FYN: variants seen among roughly 807,000 people sequenced by gnomAD.
FYN encodes FYN proto-oncogene, Src family tyrosine kinase, also known as tyrosine-protein kinase Fyn.
FYN carries 10 observed loss-of-function variants against 70.2 expected under a neutral mutation model. The ratio of observed to expected loss-of-function variants is 0.14; its 90% CI spans 0.09 to 0.24. The LOEUF (loss-of-function observed/expected upper bound fraction) is 0.24, where lower values mean the gene tolerates loss of function less well. Among genes scored for constraint, FYN ranks in the 10% least tolerant of loss-of-function variants. The pLI, the probability that FYN is intolerant of heterozygous loss-of-function variation, is 1.00. For synonymous variants in FYN, 236 were observed against 248.6 expected (o/e 0.95, Z 0.48); for missense variants, 319 against 673.1 (o/e 0.47, Z 5.82).
intron 9 of FYN, among the ~76,000 whole-genome samples, chr6:111,699,246 T>G (rs979297635): frequency 6.6e-6 from 1 of 152,182 alleles, no homozygotes; most frequent in African/African-American, 2.4e-5. Context: ...ATATACAGTA[T>G]CTTACCTTCC....
chr6:111,668,969 G>A (rs956150223), intron 13 of FYN, among the ~76,000 whole-genome samples: 2 of 152,164 alleles, frequency 1.3e-5, no homozygotes, highest in Non-Finnish European at 2.9e-5. Flanking sequence ...GGGCTCTAAG[G>A]CAGAGGGAGG....
At chr6:111,785,669 CTTTTTTTT>C (rs370923944) in intron 2 of FYN, among the ~76,000 whole-genome samples, 2 of 148,570 alleles carry the variant, frequency 1.3e-5, no homozygotes, top group Admixed American at 6.7e-5. Flanking sequence ...TTCTTTTTTT[CTTTTTTTT>C]TTATTACTAT....
At chr6:111,780,298 G>C (rs769140809) in intron 3 of FYN, among the ~76,000 whole-genome samples, 13 of 151,978 alleles carry the variant, frequency 8.6e-5, no homozygotes, top group Admixed American at 2.6e-4. Context: ...AACTGCCAAG[G>C]GTATTCTTTA....
At position 111,674,747 on chromosome 6, in the gene FYN, CAG is replaced by C; in HGVS notation, c.1274-119_1274-118del. The C allele has an allele frequency of 2.7e-6, 3 of 1,120,354 alleles. No individual in the cohort carries two copies. In the South Asian group the frequency reaches 4.9e-5, roughly 18 times the overall value. 69.4% of individuals were successfully genotyped at this position (1,120,354 alleles called of 1,614,324 possible). On this transcript the variant is annotated intron_variant, in intron 12 of 13. Coordinates refer to ENST00000354650, the MANE Select transcript of FYN (RefSeq NM_002037.5). ...CTGAGAGCAGGTTTAGAGGGGAAGACAGAAAGGAGGTGAAGCAGGAATGGGCT... is the reference window on the plus strand; with the variant it reads ...CTGAGAGCAGGTTTAGAGGGGAAGACAAAGGAGGTGAAGCAGGAATGGGCT...
intron 12 of FYN, among the ~76,000 whole-genome samples, chr6:111,691,403 G>A (rs746314688): frequency 2.0e-5 from 3 of 152,176 alleles, no homozygotes; most frequent in Non-Finnish European, 4.4e-5. Context: ...GCATGTTTCC[G>A]AATGCCGCCT....
intron 2 of FYN, among the ~76,000 whole-genome samples, chr6:111,795,024 G>A (rs1057160096): frequency 6.6e-6 from 1 of 152,174 alleles, no homozygotes; most frequent in African/African-American, 2.4e-5. Context: ...GTGGTCCCGA[G>A]TCAATTCAAT....
intron 1 of FYN, among the ~76,000 whole-genome samples, chr6:111,854,931 G>A (rs1435147493): frequency 6.6e-6 from 1 of 152,198 alleles, no homozygotes; most frequent in African/African-American, 2.4e-5. Flanking sequence ...TAAGGAAGAT[G>A]ATTTAACATA....
At chr6:111,714,506 T>A in intron 4 of FYN, 63 bp from the exon 5 acceptor site, 1 of 1,152,432 alleles carries the variant, frequency 8.7e-7, no homozygotes, top group Non-Finnish European at 1.3e-6. Flanking sequence ...TTCCAAGAAA[T>A]TAAATCTTCA....
chr6:111,835,322 C>T (rs1773145740), intron 2 of FYN, among the ~76,000 whole-genome samples: 1 of 152,178 alleles, frequency 6.6e-6, no homozygotes, highest in African/African-American at 2.4e-5. Context: ...TAGCAAATCT[C>T]CATTTTCACT....
At chr6:111,734,427 C>T (rs1801611581) in intron 3 of FYN, among the ~76,000 whole-genome samples, 1 of 152,136 alleles carries the variant, frequency 6.6e-6, no homozygotes, top group South Asian at 2.1e-4. Flanking sequence ...ATTTTTTGCC[C>T]TATGGTTTAA....
At chr6:111,699,037 C>T (rs374296559) in intron 9 of FYN, among the ~76,000 whole-genome samples, 14 of 152,262 alleles carry the variant, frequency 9.2e-5, no homozygotes, top group Admixed American at 3.3e-4. Context: ...GAGCCAATAT[C>T]GCGCCATTGC....
chr6:111,757,436 T>C (rs1210419406), intron 3 of FYN, among the ~76,000 whole-genome samples: 3 of 152,180 alleles, frequency 2.0e-5, no homozygotes, highest in Non-Finnish European at 2.9e-5. Context: ...CTTAAAAAAA[T>C]GAGGCGTTGT....
intron 5 of FYN, among the ~76,000 whole-genome samples, chr6:111,709,241 G>A (rs1393683158): frequency 6.6e-6 from 1 of 151,760 alleles, no homozygotes; most frequent in South Asian, 2.1e-4. Flanking sequence ...TTTCAGCCAG[G>A]GGAAAAAAAA....
intron 1 of FYN, among the ~76,000 whole-genome samples, chr6:111,868,964 G>C (rs1424817495): frequency 2.0e-5 from 3 of 152,206 alleles, no homozygotes; most frequent in African/African-American, 7.2e-5. Context: ...AGCAAGGACA[G>C]CAGAAGTATT....
At chr6:111,723,804 G>A (rs181214670) in intron 3 of FYN, among the ~76,000 whole-genome samples, 6 of 152,298 alleles carry the variant, frequency 3.9e-5, no homozygotes, top group Non-Finnish European at 7.4e-5. Context: ...TAAGTGCATC[G>A]TGACATAGAA....
intron 2 of FYN, among the ~76,000 whole-genome samples, chr6:111,799,333 T>C (rs1473950373): frequency 1.3e-5 from 2 of 152,098 alleles, no homozygotes; most frequent in African/African-American, 4.8e-5. Flanking sequence ...TTCCCAAACA[T>C]TGGGAACATT....
At chr6:111,695,374 A>T (rs1562475881) in intron 10 of FYN, among the ~76,000 whole-genome samples, 1 of 152,226 alleles carries the variant, frequency 6.6e-6, no homozygotes, top group Non-Finnish European at 1.5e-5. Flanking sequence ...GCCAAGCCTT[A>T]AATCAGACAT....
intron 9 of FYN, among the ~76,000 whole-genome samples, chr6:111,698,156 G>A (rs547114118): frequency 1.4e-5 from 2 of 145,896 alleles, no homozygotes; most frequent in Admixed American, 6.6e-5. Flanking sequence ...ACGGAGTTTC[G>A]CTTTTGTTGC....
chr6:111,808,406 C>T (rs1304579481), intron 2 of FYN, among the ~76,000 whole-genome samples: 1 of 152,194 alleles, frequency 6.6e-6, no homozygotes, highest in Non-Finnish European at 1.5e-5. Context: ...AGGAAGCAGA[C>T]ACCAGAACCT....
Sources: gnomAD v4.1 joint callset for allele counts (sites outside exome capture counted in the v4.1 genomes callset) on GRCh38, gnomAD v4.1.1 for gene constraint, MANE v1.5 for transcripts, NCBI Gene and HGNC (gene_info 2026-07-23, HGNC 2026-07-21) for gene names.